STON2: variants seen among roughly 807,000 people sequenced by gnomAD.
The protein encoded by STON2 is stonin 2, also known as stonin-2.
A neutral mutation model predicts 65.7 loss-of-function variants in STON2; 29 were observed. That is an observed-to-expected ratio of 0.44 (90% confidence interval 0.33 to 0.60). The LOEUF (loss-of-function observed/expected upper bound fraction) is 0.60, where lower values mean the gene tolerates loss of function less well. Among genes scored for constraint, STON2 ranks in the 20% least tolerant of loss-of-function variants. The probability of loss-of-function intolerance (pLI) is 0.03; values close to 1 mark genes in which losing one functional copy is unlikely to be tolerated. For synonymous variants in STON2, 404 were observed against 414.2 expected (o/e 0.98, Z 0.30); for missense variants, 1,054 against 1,118.1 (o/e 0.94, Z 0.82).
chr14:81,307,047 G>C (rs562676059), intron 5 of STON2, among the ~76,000 whole-genome samples: 8 of 152,326 alleles, frequency 5.3e-5, no homozygotes, highest in African/African-American at 1.9e-4. Context: ...CACACCTATA[G>C]AAACTCTGAC....
intron 5 of STON2, among the ~76,000 whole-genome samples, chr14:81,282,290 T>C (rs8011306): frequency 0.021 from 3,166 of 152,302 alleles, 114 homozygotes; most frequent in African/African-American, 0.072. Context: ...GGAAGTTGAC[T>C]AGGACATATT....
chr14:81,435,166 G>T (rs1408019233), intron 1 of STON2, among the ~76,000 whole-genome samples: 1 of 152,186 alleles, frequency 6.6e-6, no homozygotes, highest in Non-Finnish European at 1.5e-5. Context: ...TAGTTGGAAT[G>T]CATTTATCTC....
chr14:81,411,207 C>T (rs1211682147), intron 2 of STON2, among the ~76,000 whole-genome samples: 1 of 152,150 alleles, frequency 6.6e-6, no homozygotes, highest in African/African-American at 2.4e-5. Context: ...GTGATCATTA[C>T]ACGCCAGTGA....
At chr14:81,371,225 A>C in intron 3 of STON2, 40 bp from the exon 4 acceptor site, 1 of 1,574,168 alleles carries the variant, frequency 6.4e-7, no homozygotes, top group Non-Finnish European at 8.7e-7. Flanking sequence ...CAATATAAAT[A>C]GTTGTACTTT....
intron 2 of STON2, among the ~76,000 whole-genome samples, chr14:81,424,878 A>AT (rs747734638): frequency 7.9e-5 from 12 of 152,130 alleles, no homozygotes; most frequent in Non-Finnish European, 1.3e-4. Context: ...GTTTCTAAAG[A>AT]TTTTTTCTTT....
intron 4 of STON2, among the ~76,000 whole-genome samples, chr14:81,366,359 C>T (rs1898726744): frequency 1.3e-5 from 2 of 152,158 alleles, no homozygotes; most frequent in South Asian, 4.1e-4. Flanking sequence ...CACTACCAAG[C>T]AAGGGGGCCA....
At chr14:81,325,648 C>G (rs561771789) in intron 4 of STON2, among the ~76,000 whole-genome samples, 2 of 152,038 alleles carry the variant, frequency 1.3e-5, no homozygotes, top group African/African-American at 4.8e-5. Context: ...TTAAAAACAA[C>G]ATAACTTGGA....
At chr14:81,370,122 G>C (rs1156503679) in intron 4 of STON2, among the ~76,000 whole-genome samples, 2 of 152,186 alleles carry the variant, frequency 1.3e-5, no homozygotes, top group Non-Finnish European at 2.9e-5. Context: ...TTGTAGAATT[G>C]AATGGCACAT....
At chr14:81,434,158 A>T (rs961210603) in intron 1 of STON2, among the ~76,000 whole-genome samples, 1 of 152,254 alleles carries the variant, frequency 6.6e-6, no homozygotes, top group Non-Finnish European at 1.5e-5. Flanking sequence ...CCTTAGAACA[A>T]CTTCTAAGAA....
chr14:81,361,281 G>A (rs560578209), intron 4 of STON2, among the ~76,000 whole-genome samples: 3 of 152,200 alleles, frequency 2.0e-5, no homozygotes, highest in African/African-American at 7.2e-5. Context: ...AACTAAAAGA[G>A]CATGATACTA....
At chr14:81,332,077 G>A (rs1294807780) in intron 4 of STON2, among the ~76,000 whole-genome samples, 1 of 152,156 alleles carries the variant, frequency 6.6e-6, no homozygotes, top group Non-Finnish European at 1.5e-5. Flanking sequence ...CCCAGCCTCT[G>A]AGCCTGCCAA....
rs142754528 is a variant in STON2 at position 81,273,643 on chromosome 14, C to T, written c.2582-2771G>A. 2.1e-3 allele frequency among the ~76,000 whole-genome samples: 314 copies of T among 151,946 alleles called. 2 individuals carry two copies. The highest frequency in any genetic ancestry group is 3.7e-3 in the Non-Finnish European group (251 of 67,938). On this transcript the variant is annotated intron_variant, in intron 6 of 7. Coordinates refer to ENST00000614646, the MANE Select transcript of STON2 (RefSeq NM_001394390.1). ...TGGGCTGGGCCAGGCTGGGCTGGGC[C>T]CCGCCGGCGGGAGTCACGTTGGAAT...
In STON2 at chr14:81,270,218, CT is replaced by C. The variant is rs1383797109; in HGVS notation, c.2784+451del. 1.8e-5 allele frequency: 7 copies of C among 396,672 alleles called. No homozygotes were observed. In the Admixed American group the frequency reaches 3.9e-4, roughly 22 times the overall value. 24.6% of individuals were successfully genotyped at this position (396,672 alleles called of 1,614,324 possible). Reference sequence around the variant, plus strand: ...CCTCCCACCTCAGTCTCCTGAGTAGCTGGACTACATGCACAGGCCACCATGC... The same window carrying C: ...CCTCCCACCTCAGTCTCCTGAGTAGCGGACTACATGCACAGGCCACCATGC... On this transcript the variant is annotated intron_variant, in intron 7 of 7. Transcript: ENST00000614646.
chr14:81,270,424 A>G, intron 7 of STON2: 7 of 1,418,892 alleles, frequency 4.9e-6, no homozygotes, highest in Non-Finnish European at 6.4e-6. Flanking sequence ...TAATGACAGA[A>G]AGACATTATA....
rs1054332791 is a variant in STON2 at position 81,265,542 on chromosome 14, C to G, written c.*2872G>C. The G allele has an allele frequency of 6.8e-6, 2 of 294,802 alleles. No homozygotes were observed. Among genetic ancestry groups the G allele is most frequent in the East Asian group, 3.5e-4 (2 of 5,770 alleles). 18.3% of individuals were successfully genotyped at this position (294,802 alleles called of 1,614,324 possible). Reference sequence around the variant, plus strand: ...TGGTGGCAGGCGCCTGTAATCCCAGCTACTCAGGAGGCTGAGGCAGGAGAT... The same window carrying G: ...TGGTGGCAGGCGCCTGTAATCCCAGGTACTCAGGAGGCTGAGGCAGGAGAT... On this transcript the variant is annotated 3_prime_UTR_variant, in exon 8 of 8. Transcript: ENST00000614646.
intron 3 of STON2, among the ~76,000 whole-genome samples, chr14:81,382,732 C>T (rs1899588356): frequency 4.6e-5 from 7 of 152,100 alleles, no homozygotes; most frequent in Admixed American, 4.6e-4. Flanking sequence ...CTTATTAAAA[C>T]CACATATCAA....
chr14:81,300,156 C>T (rs1466944787), intron 5 of STON2, among the ~76,000 whole-genome samples: 1 of 151,940 alleles, frequency 6.6e-6, no homozygotes, highest in Non-Finnish European at 1.5e-5. Flanking sequence ...CATGTAAAGT[C>T]ACTTGAGTTT....
intron 3 of STON2, among the ~76,000 whole-genome samples, chr14:81,389,587 T>C (rs1193810726): frequency 6.6e-6 from 1 of 152,238 alleles, no homozygotes; most frequent in Non-Finnish European, 1.5e-5. Flanking sequence ...AGGGCCATTT[T>C]GTCTAAGCTG....
chr14:81,310,900 C>T (rs1346437066), intron 5 of STON2, among the ~76,000 whole-genome samples: 3 of 152,100 alleles, frequency 2.0e-5, no homozygotes, highest in Non-Finnish European at 2.9e-5. Context: ...AATGCAAAGG[C>T]CTTTGACTTT....
Sources: gnomAD v4.1 joint callset for allele counts (sites outside exome capture counted in the v4.1 genomes callset) on GRCh38, gnomAD v4.1.1 for gene constraint, MANE v1.5 for transcripts, NCBI Gene and HGNC (gene_info 2026-07-23, HGNC 2026-07-21) for gene names.